The following BAZ2B variants were observed in gnomAD, a reference collection of about 807,000 sequenced individuals.
BAZ2B encodes the protein bromodomain adjacent to zinc finger domain 2B, also known as bromodomain adjacent to zinc finger domain protein 2B.
In BAZ2B, 91 loss-of-function variants were observed where a neutral mutation model predicts 246.0. That is an observed-to-expected ratio of 0.37 (90% CI 0.31 to 0.44). BAZ2B has a LOEUF of 0.44. Among genes scored for constraint, BAZ2B ranks in the 20% least tolerant of loss-of-function variants. The pLI is 1.00. For synonymous variants in BAZ2B, 855 were observed against 860.0 expected, an observed-to-expected ratio of 0.99 and a Z score of 0.10; for missense variants, 2,332 against 2,533.7, an observed-to-expected ratio of 0.92 and a Z score of 1.71.
chr2:159,486,747 C>T (rs1012227839), intron 2 of BAZ2B, among the ~76,000 whole-genome samples: 1 of 151,620 alleles, frequency 6.6e-6, no homozygotes, highest in Non-Finnish European at 1.5e-5. Context: ...ATTTATTACA[C>T]CACTATAATG....
chr2:159,367,427 T>C (rs1400910707), intron 27 of BAZ2B, among the ~76,000 whole-genome samples: 1 of 152,220 alleles, frequency 6.6e-6, no homozygotes, highest in African/African-American at 2.4e-5. Flanking sequence ...TTTAATTTAA[T>C]TAATATTTTT....
At chr2:159,526,642 T>C (rs189517603) in intron 2 of BAZ2B, among the ~76,000 whole-genome samples, 1 of 152,284 alleles carries the variant, frequency 6.6e-6, no homozygotes, top group East Asian at 1.9e-4. Flanking sequence ...CTTTATTTCA[T>C]GCCAGGACAA....
At chr2:159,389,923 T>C (rs987018384) in intron 20 of BAZ2B, among the ~76,000 whole-genome samples, 5 of 151,754 alleles carry the variant, frequency 3.3e-5, no homozygotes, top group African/African-American at 1.2e-4. Flanking sequence ...AAAAATATTA[T>C]TCACCACCAT....
intron 14 of BAZ2B, among the ~76,000 whole-genome samples, chr2:159,407,876 T>C (rs1410024932): frequency 6.6e-6 from 1 of 152,198 alleles, no homozygotes; most frequent in Admixed American, 6.5e-5. Flanking sequence ...CAACCTCTGA[T>C]AATAATATGG....
At chr2:159,478,543 A>G (rs1271780056) in intron 3 of BAZ2B, 32 bp downstream of exon 3, 2 of 1,565,150 alleles carry the variant, frequency 1.3e-6, no homozygotes, top group Non-Finnish European at 1.7e-6. Flanking sequence ...AAAGAATGGC[A>G]TTCTAAAATT....
At chr2:159,356,906 T>C (rs142502441) in intron 27 of BAZ2B, among the ~76,000 whole-genome samples, 8,082 of 152,054 alleles carry the variant, frequency 0.053, 236 homozygotes, top group South Asian at 0.083. Flanking sequence ...GGAAAACTAA[T>C]GAACAGAAAG....
intron 2 of BAZ2B, among the ~76,000 whole-genome samples, chr2:159,530,041 A>G (rs925740355): frequency 6.6e-5 from 10 of 152,212 alleles, no homozygotes; most frequent in Admixed American, 1.3e-4. Context: ...CTCTTCATCA[A>G]AAACAAATCT....
At chr2:159,393,558 C>T (rs2063598242) in intron 20 of BAZ2B, among the ~76,000 whole-genome samples, 1 of 152,132 alleles carries the variant, frequency 6.6e-6, no homozygotes, top group Non-Finnish European at 1.5e-5. Flanking sequence ...CTCCCTTTAT[C>T]TGCTACCTGT....
In BAZ2B at chr2:159,337,689, C is replaced by T. The variant is rs1466734693; in HGVS notation, c.5538G>A (p.Glu1846=). ...CTTCGCCAGTAAATTCTCCATCATG[C>T]TCCTTGCACAATTTAGTAAATGATT... ...EHKSFTKLCK[E]HDGEFTGEDE... is the part of the protein sequence containing the mutation. Residue 1846 remains glutamate (E), a synonymous_variant, in exon 32 of 37, where the codon GAG becomes GAA. Coordinates refer to ENST00000392783, the MANE Select transcript of BAZ2B (RefSeq NM_013450.4). 1 of 1,614,220 alleles carries T rather than the reference C, an allele frequency of 6.2e-7. No individual in the cohort carries two copies. The highest frequency in any genetic ancestry group is 1.1e-5 in the South Asian group (1 of 91,092).
At chr2:159,492,929 C>G (rs2080660972) in intron 2 of BAZ2B, among the ~76,000 whole-genome samples, 1 of 152,146 alleles carries the variant, frequency 6.6e-6, no homozygotes, top group South Asian at 2.1e-4. Flanking sequence ...TGCCAACAAC[C>G]TCTGTTTTTG....
chr2:159,465,878 C>T (rs1033943012), intron 3 of BAZ2B, among the ~76,000 whole-genome samples: 3 of 151,438 alleles, frequency 2.0e-5, no homozygotes, highest in Admixed American at 6.6e-5. Context: ...TGCACCACTG[C>T]ACTCCAGCCT....
At chr2:159,462,881 G>A (rs2076585098) in intron 3 of BAZ2B, 2 of 1,602,668 alleles carry the variant, frequency 1.2e-6, no homozygotes, top group African/African-American at 1.3e-5. Context: ...TTAAAGCACT[G>A]TCACAGGATT....
intron 2 of BAZ2B, among the ~76,000 whole-genome samples, chr2:159,480,631 A>G (rs902224845): frequency 1.3e-5 from 2 of 152,070 alleles, no homozygotes; most frequent in African/African-American, 4.8e-5. Flanking sequence ...GTAAAGTGAT[A>G]TATACAACGT....
upstream of BAZ2B, among the ~76,000 whole-genome samples, chr2:159,618,060 T>C (rs1696267504): frequency 6.6e-6 from 1 of 152,262 alleles, no homozygotes; most frequent in South Asian, 2.1e-4. Flanking sequence ...AGTAGTTTAT[T>C]TCATTCTCAG....
At chr2:159,476,717 A>C (rs2078604143) in intron 3 of BAZ2B, among the ~76,000 whole-genome samples, 1 of 152,376 alleles carries the variant, frequency 6.6e-6, no homozygotes, top group South Asian at 2.1e-4. Flanking sequence ...TTCAGAAATA[A>C]ATAAGACAGC....
At chr2:159,496,783 C>CAAAAAAAAA (rs10713062) in intron 2 of BAZ2B, among the ~76,000 whole-genome samples, 1 of 64,202 alleles carries the variant, frequency 1.6e-5, no homozygotes, top group Non-Finnish European at 2.7e-5. Context: ...AACTCCGTCT[C>CAAAAAAAAA]AAAAAAAAAA....
In BAZ2B at chr2:159,592,223, C is replaced by T. The variant is rs563158653; in HGVS notation, c.-46+24019G>A. Among the ~76,000 whole-genome samples the T allele has an allele frequency of 6.6e-5, 10 of 152,144 alleles. No individual in the cohort carries two copies. The South Asian group carries it at 1.9e-3, about 28-fold the overall frequency. On this transcript the variant is annotated intron_variant, in intron 1 of 36. Coordinates refer to ENST00000392783, the MANE Select transcript of BAZ2B (RefSeq NM_013450.4). ...CTGCATATCAATAAATTACATATAA[C>T]GTGTCTAGAATAGAAGTTTCTTCCG...
intron 13 of BAZ2B, among the ~76,000 whole-genome samples, chr2:159,418,602 T>C (rs1299663852): frequency 6.8e-6 from 1 of 146,302 alleles, no homozygotes; most frequent in Non-Finnish European, 1.5e-5. Context: ...TGTAAGCTGA[T>C]TTTTTTTTTT....
intron 24 of BAZ2B, 149 bp downstream of exon 24, chr2:159,383,457 G>T: frequency 1.4e-6 from 1 of 707,814 alleles, no homozygotes; most frequent in Non-Finnish European, 2.3e-6. Flanking sequence ...CTGCCCCTGA[G>T]TTTTATTAAT....
Sources: gnomAD v4.1 joint callset for allele counts (sites outside exome capture counted in the v4.1 genomes callset) on GRCh38, gnomAD v4.1.1 for gene constraint, MANE v1.5 for transcripts, NCBI Gene and HGNC (gene_info 2026-07-23, HGNC 2026-07-21) for gene names.